EXOC6: variants seen among roughly 807,000 people sequenced by gnomAD.
The protein encoded by EXOC6 is exocyst complex component 6.
A neutral mutation model predicts 112.5 loss-of-function variants in EXOC6; 60 were observed. The observed-to-expected ratio is 0.53, with a 90% confidence interval of 0.43 to 0.66. The LOEUF (loss-of-function observed/expected upper bound fraction) is 0.66, where lower values mean the gene tolerates loss of function less well. EXOC6 is among the 30% of genes least tolerant of loss of function. The probability of loss-of-function intolerance (pLI) is 0.00; values close to 1 mark genes in which losing one functional copy is unlikely to be tolerated. For synonymous variants in EXOC6, 295 were observed against 308.0 expected, an observed-to-expected ratio of 0.96 and a Z score of 0.44; for missense variants, 855 against 957.1, an observed-to-expected ratio of 0.89 and a Z score of 1.41.
chr10:93,016,173 T>TG (rs1212395917), intron 20 of EXOC6, among the ~76,000 whole-genome samples: 1 of 152,150 alleles, frequency 6.6e-6, no homozygotes, highest in Admixed American at 6.6e-5. Context: ...CTCACTCTGT[T>TG]GCCCAGGCTG....
chr10:92,896,061 A>G lies in EXOC6; in HGVS notation c.412+1041A>G, dbSNP rs1433381645. 5.5e-4 allele frequency among the ~76,000 whole-genome samples: 22 copies of G among 40,186 alleles called. No individual in the cohort carries two copies. The East Asian group carries it at 7.9e-3, about 14-fold the overall frequency. 26.4% of individuals were successfully genotyped at this position (40,186 alleles called of 152,430 possible). On this transcript the variant is annotated intron_variant, in intron 4 of 21. Coordinates refer to ENST00000260762, the MANE Select transcript of EXOC6 (RefSeq NM_019053.6). ...TATATATATGTGTATATATATGTGT[A>G]TATATATGTGTATATATATGTGTAT... is the stretch of plus-strand genomic sequence containing the variant.
At chr10:93,046,095 A>G (rs533904121) in intron 20 of EXOC6, among the ~76,000 whole-genome samples, 1 of 152,348 alleles carries the variant, frequency 6.6e-6, no homozygotes, top group South Asian at 2.1e-4. Context: ...TTATGTATCA[A>G]AAGGTAACAT....
At chr10:93,023,835 AT>A (rs915297766) in intron 20 of EXOC6, among the ~76,000 whole-genome samples, 60 of 152,062 alleles carry the variant, frequency 3.9e-4, no homozygotes, top group Admixed American at 1.1e-3. Flanking sequence ...TTCAGTGATA[AT>A]TTTTTATAAC....
At chr10:92,863,038 T>C (rs1847983172) in intron 1 of EXOC6, among the ~76,000 whole-genome samples, 1 of 152,230 alleles carries the variant, frequency 6.6e-6, no homozygotes, top group Non-Finnish European at 1.5e-5. Context: ...GCAGAGCTTT[T>C]AGGCAAGCAT....
At chr10:93,019,903 TC>T (rs1181780646) in intron 20 of EXOC6, among the ~76,000 whole-genome samples, 1 of 152,140 alleles carries the variant, frequency 6.6e-6, no homozygotes, top group Non-Finnish European at 1.5e-5. Flanking sequence ...AATCCAAAAT[TC>T]CTTATTAAAA....
intron 7 of EXOC6, among the ~76,000 whole-genome samples, chr10:92,918,341 G>A (rs1851227816): frequency 6.6e-6 from 1 of 151,544 alleles, no homozygotes; most frequent in African/African-American, 2.4e-5. Context: ...AGAATTTTTA[G>A]TTGAACCATA....
chr10:92,896,131 G>A (rs1482918435), intron 4 of EXOC6, among the ~76,000 whole-genome samples: 4 of 48,810 alleles, frequency 8.2e-5, no homozygotes, highest in Non-Finnish European at 1.3e-4. Flanking sequence ...GTGTGTGTGT[G>A]TGTGTGTATG....
At chr10:92,845,843 C>A (rs1036066499), upstream of EXOC6, among the ~76,000 whole-genome samples, 3 of 152,118 alleles carry the variant, frequency 2.0e-5, no homozygotes, top group African/African-American at 7.2e-5. Flanking sequence ...GAGGCTGAGG[C>A]AGGAGAATCA....
intron 19 of EXOC6, among the ~76,000 whole-genome samples, chr10:93,001,471 G>T (rs1366795477): frequency 6.6e-6 from 1 of 152,028 alleles, no homozygotes; most frequent in Non-Finnish European, 1.5e-5. Context: ...TCTCTTAATA[G>T]ACCTAGTTCT....
chr10:92,827,547 T>C (rs937524806), intron 1 of EXOC6, among the ~76,000 whole-genome samples: 12 of 135,750 alleles, frequency 8.8e-5, no homozygotes, highest in Non-Finnish European at 1.9e-4. Context: ...GCAAAATACC[T>C]GTGTACACCC....
chr10:92,852,945 CA>C (rs1847422470), intron 1 of EXOC6, among the ~76,000 whole-genome samples: 2 of 151,952 alleles, frequency 1.3e-5, no homozygotes, highest in Admixed American at 6.6e-5. Context: ...AAAAAAAAAG[CA>C]TCTAGTTTGG....
intron 1 of EXOC6, among the ~76,000 whole-genome samples, chr10:92,883,364 A>G (rs1849056654): frequency 6.6e-6 from 1 of 152,168 alleles, no homozygotes; most frequent in Non-Finnish European, 1.5e-5. Flanking sequence ...ATTTTAAAGA[A>G]TGTTTAGTTT....
chr10:93,031,710 A>G (rs997768827), intron 20 of EXOC6, among the ~76,000 whole-genome samples: 1 of 151,676 alleles, frequency 6.6e-6, no homozygotes, highest in African/African-American at 2.4e-5. Context: ...AGGGGGTGTC[A>G]CCATGTTGGT....
chr10:92,992,300 A>AAT, intron 18 of EXOC6, among the ~76,000 whole-genome samples: 1 of 151,762 alleles, frequency 6.6e-6, no homozygotes, highest in Admixed American at 6.6e-5. Context: ...AAAAAAAAAA[A>AAT]AAAAAAAAAA....
At chr10:93,049,071 T>G (rs1440989134) in intron 20 of EXOC6, among the ~76,000 whole-genome samples, 1 of 151,982 alleles carries the variant, frequency 6.6e-6, no homozygotes, top group African/African-American at 2.4e-5. Flanking sequence ...TTTTTTTTTT[T>G]TTTTGAGGCA....
At chr10:92,849,249 C>T (rs1430926590) in intron 1 of EXOC6, among the ~76,000 whole-genome samples, 1 of 152,144 alleles carries the variant, frequency 6.6e-6, no homozygotes, top group Non-Finnish European at 1.5e-5. Flanking sequence ...CTGCTTGCTG[C>T]TTGGGAACAC....
In EXOC6 at chr10:92,862,490, C is replaced by T. The variant is rs12262557; in HGVS notation, c.101+13856C>T. Among the ~76,000 whole-genome samples the T allele has an allele frequency of 4.4e-3, 665 of 152,166 alleles. 7 individuals are homozygous for T. The highest frequency in any genetic ancestry group is 0.015 in the African/African-American group (641 of 41,512). ...AGAGAGATCCTGAGAGCTAGCTTGC[C>T]CCTTCCACCATGTGAGGATGCAGTT... On this transcript the variant is annotated intron_variant, in intron 1 of 21. Transcript: ENST00000260762.
exon 1 of EXOC6, chr10:92,834,808 G>A (rs2490741): frequency 0.7 from 1,117,016 of 1,606,314 alleles, 394,515 homozygotes; most frequent in Admixed American, 0.74. Flanking sequence ...CGAACTGCCT[G>A]TTGAAGCTAC....
At chr10:92,848,711 G>C in intron 1 of EXOC6, 77 bp downstream of exon 1, 1 of 1,130,178 alleles carries the variant, frequency 8.8e-7, no homozygotes, top group Non-Finnish European at 1.1e-6. Flanking sequence ...CGGGGCGTCC[G>C]CCGCCGGCCG....
Sources: allele counts gnomAD v4.1 joint callset (sites outside exome capture counted in the v4.1 genomes callset), GRCh38; gene constraint gnomAD v4.1.1; transcripts MANE v1.5; gene names NCBI Gene and HGNC (gene_info 2026-07-23, HGNC 2026-07-21).